Variants in GTF2IRD1 observed in about 807,000 individuals in gnomAD.
The protein encoded by GTF2IRD1 is general transcription factor II-I repeat domain-containing protein 1.
GTF2IRD1 carries 26 observed loss-of-function variants against 113.2 expected under a neutral mutation model. The observed-to-expected ratio is 0.23, with a 90% CI of 0.17 to 0.32. The LOEUF is 0.32. Ranked by LOEUF, GTF2IRD1 falls within the 10% of genes least tolerant of loss-of-function variation. The probability of loss-of-function intolerance (pLI) is 1.00; values close to 1 mark genes in which losing one functional copy is unlikely to be tolerated. For synonymous variants in GTF2IRD1, 484 were observed against 529.1 expected (o/e 0.91, Z 1.17); for missense variants, 864 against 1,280.8 (o/e 0.67, Z 4.97).
intron 9 of GTF2IRD1, among the ~76,000 whole-genome samples, chr7:74,532,704 C>G (rs782046222): frequency 5.9e-5 from 9 of 152,158 alleles, no homozygotes; most frequent in Non-Finnish European, 1.2e-4. Flanking sequence ...GTGTGGGGGC[C>G]TTCAGGAGTG....
rs587648610 is a variant in GTF2IRD1, at chr7:74,556,790, A to ATTTTTTTTTTT, written c.2024-844_2024-843insTTTTTTTTTTT. Among the ~76,000 whole-genome samples the ATTTTTTTTTTT allele has an allele frequency of 8.7e-4, 115 of 132,688 alleles. 1 individual carries two copies. The highest frequency in any genetic ancestry group is 1.2e-3 in the South Asian group (5 of 4,284). 87.0% of individuals were successfully genotyped at this position (132,688 alleles called of 152,430 possible). A position where few individuals can be genotyped will look rare whatever the true frequency, so the allele number is the denominator to read the frequency against. On this transcript the variant is annotated intron_variant, in intron 19 of 26. Transcript: ENST00000424337. ...AGGTACGCACCACCATGCCTGGCTA[A>ATTTTTTTTTTT]TTTTTGTATTTTTAGTAGAGATAGG... is the stretch of plus-strand genomic sequence containing the variant.
intron 1 of GTF2IRD1, among the ~76,000 whole-genome samples, chr7:74,470,240 C>G (rs568071359): frequency 6.6e-6 from 1 of 152,162 alleles, no homozygotes; most frequent in African/African-American, 2.4e-5. Flanking sequence ...CCACTTCAGC[C>G]TCTCAAAGTG....
chr7:74,583,375 T>TTC (rs1562891157), intron 22 of GTF2IRD1, among the ~76,000 whole-genome samples: 2 of 147,618 alleles, frequency 1.4e-5, no homozygotes, highest in Non-Finnish European at 3.0e-5. Flanking sequence ...TTTTTTCTTT[T>TTC]TTTTTTTTTT....
chr7:74,456,747 C>T (rs1448227695), intron 1 of GTF2IRD1, among the ~76,000 whole-genome samples: 1 of 151,990 alleles, frequency 6.6e-6, no homozygotes, highest in Non-Finnish European at 1.5e-5. Flanking sequence ...TTCCTCCTAC[C>T]CCTGGCCTCT....
chr7:74,561,346 CAAAAAAAAAA>C (rs11452589), intron 22 of GTF2IRD1, among the ~76,000 whole-genome samples: 1 of 77,746 alleles, frequency 1.3e-5, no homozygotes, highest in Non-Finnish European at 2.5e-5. Flanking sequence ...TAGATTGTCT[CAAAAAAAAAA>C]AAAAAAAAAG....
At chr7:74,554,818 G>A (rs188732822) in intron 17 of GTF2IRD1, among the ~76,000 whole-genome samples, 3 of 152,310 alleles carry the variant, frequency 2.0e-5, no homozygotes, top group East Asian at 1.9e-4. Flanking sequence ...GATTACAGGC[G>A]TGAGCTACTG....
intron 1 of GTF2IRD1, among the ~76,000 whole-genome samples, chr7:74,466,540 C>T (rs1554330840): frequency 6.6e-6 from 1 of 152,150 alleles, no homozygotes; most frequent in East Asian, 1.9e-4. Context: ...CTCCGTCTCG[C>T]TTCCTGGAAC....
Position 74,602,397 on chromosome 7 carries a change from C to T in GTF2IRD1, c.2799C>T (p.Gly933=), listed in dbSNP as rs200919757. 28 of 1,613,662 alleles carry T rather than the reference C, an allele frequency of 1.7e-5. No homozygotes were observed. The highest frequency in any genetic ancestry group is 2.2e-5 in the Non-Finnish European group (26 of 1,179,678). Residue 933 remains glycine (G), a synonymous_variant, in exon 27 of 27, where the codon GGC becomes GGT. Transcript: ENST00000424337. ...CAATGTACATGGTGGACTATGCCGG[C>T]CTGAACGTGCAGCTCCCGGGACCTC... The part of the protein sequence containing the change: ...QWPMYMVDYA[G]LNVQLPGPLN...
chr7:74,527,711 A>G (rs587744235), intron 8 of GTF2IRD1, among the ~76,000 whole-genome samples: 161 of 152,190 alleles, frequency 1.1e-3, no homozygotes, highest in Admixed American at 9.8e-3. Context: ...GCGTGGTGGC[A>G]CACGCCTGTA....
Position 74,512,998 on chromosome 7 carries a change from C to T in GTF2IRD1, c.265+27C>T, listed in dbSNP as rs370667130. 75 of 1,602,100 alleles carry T rather than the reference C, an allele frequency of 4.7e-5. No homozygotes were observed. Among genetic ancestry groups the T allele is most frequent in the African/African-American group, 2.4e-4 (18 of 74,828 alleles). On this transcript the variant is annotated intron_variant, in intron 3 of 26. Transcript: ENST00000424337. This position sits in a 1 kb window ranked among gnomAD's most constrained non-coding sequence, Gnocchi z 4.4. The stretch of plus-strand genomic sequence containing the variant: ...TGAGTACCCCAGGGCTCCGGAGGGC[C>T]GGGCCCGCCATTTCCCGAGGGCAGG...
chr7:74,572,921 G>A (rs1373215792), intron 22 of GTF2IRD1, among the ~76,000 whole-genome samples: 1 of 152,142 alleles, frequency 6.6e-6, no homozygotes, highest in Non-Finnish European at 1.5e-5. Context: ...ACGCCCTACT[G>A]CCGGGCCCAG....
chr7:74,534,276 G>T (rs1798147050), intron 9 of GTF2IRD1, among the ~76,000 whole-genome samples: 2 of 152,162 alleles, frequency 1.3e-5, no homozygotes, highest in Admixed American at 1.3e-4. Context: ...CGCCCCAGGG[G>T]TTGGCCCATG....
chr7:74,516,933 CT>C (rs1336838796), intron 4 of GTF2IRD1, among the ~76,000 whole-genome samples: 2 of 152,160 alleles, frequency 1.3e-5, no homozygotes, highest in Non-Finnish European at 2.9e-5. Flanking sequence ...CTCCCCTCCT[CT>C]GTGCCCCCGA....
At chr7:74,502,941 C>T (rs908667084) in intron 1 of GTF2IRD1, among the ~76,000 whole-genome samples, 45 of 152,222 alleles carry the variant, frequency 3.0e-4, no homozygotes, top group African/African-American at 8.4e-4. Flanking sequence ...CCGAGGCGGG[C>T]GGATCACCTG....
intron 17 of GTF2IRD1, 145 bp downstream of exon 17, chr7:74,547,431 T>C: frequency 1.9e-6 from 1 of 536,432 alleles, no homozygotes; most frequent in Non-Finnish European, 3.2e-6. Context: ...TGTGCCACCA[T>C]GCCCAGCCTT....
At chr7:74,581,392 G>A (rs1801412682) in intron 22 of GTF2IRD1, among the ~76,000 whole-genome samples, 1 of 152,238 alleles carries the variant, frequency 6.6e-6, no homozygotes, top group Admixed American at 6.5e-5. Flanking sequence ...GCTGATTGCA[G>A]AGCTGGGATT....
intron 1 of GTF2IRD1, among the ~76,000 whole-genome samples, chr7:74,491,726 C>T (rs782110842): frequency 3.0e-4 from 46 of 152,256 alleles, no homozygotes; most frequent in Non-Finnish European, 5.3e-4. Context: ...CCCAGTCTAT[C>T]ATTGATGGGC....
At chr7:74,519,951 G>T (rs1013055507) in intron 6 of GTF2IRD1, among the ~76,000 whole-genome samples, 1 of 151,850 alleles carries the variant, frequency 6.6e-6, no homozygotes, top group Non-Finnish European at 1.5e-5. Context: ...CTAAGAGGAC[G>T]CCTGCGAGGA....
chr7:74,508,239 G>C, intron 2 of GTF2IRD1, 36 bp downstream of exon 2: 2 of 1,591,930 alleles, frequency 1.3e-6, no homozygotes, highest in South Asian at 1.1e-5. Flanking sequence ...GAGGGGACAG[G>C]GTGAGCGTCC....
Sources: allele counts gnomAD v4.1 joint callset (sites outside exome capture counted in the v4.1 genomes callset), GRCh38; gene constraint gnomAD v4.1.1; non-coding constraint Gnocchi (gnomAD v3.1); transcripts MANE v1.5; gene names NCBI Gene and HGNC (gene_info 2026-07-23, HGNC 2026-07-21).